The following ADK variants were observed in gnomAD, a reference collection of about 807,000 sequenced individuals.
ADK encodes the protein adenosine kinase.
A neutral mutation model predicts 44.7 loss-of-function variants in ADK; 24 were observed. The ratio of observed to expected loss-of-function variants is 0.54; its 90% CI spans 0.39 to 0.76. The LOEUF (loss-of-function observed/expected upper bound fraction) is 0.76. ADK is among the 30% of genes least tolerant of loss of function. ADK has a pLI of 0.00. For synonymous variants in ADK, 128 were observed against 142.6 expected (o/e 0.90, Z 0.73); for missense variants, 321 against 425.1 (o/e 0.76, Z 2.15).
intron 6 of ADK, among the ~76,000 whole-genome samples, chr10:74,497,983 G>A (rs1242446658): frequency 6.6e-6 from 1 of 151,710 alleles, no homozygotes; most frequent in African/African-American, 2.4e-5. Context: ...TCCGCCTCCC[G>A]GGTTCATGCC....
At chr10:74,693,214 G>T (rs114156052) in intron 10 of ADK, among the ~76,000 whole-genome samples, 2,642 of 152,240 alleles carry the variant, frequency 0.017, 69 homozygotes, top group African/African-American at 0.061. Flanking sequence ...ACTAACTAAT[G>T]TAACAGGTTA....
intron 9 of ADK, among the ~76,000 whole-genome samples, chr10:74,616,601 ACT>A (rs1852768687): frequency 6.6e-6 from 1 of 151,692 alleles, no homozygotes; most frequent in African/African-American, 2.4e-5. Flanking sequence ...CCAATTGCAC[ACT>A]CTCATGATAA....
At chr10:74,423,633 G>A (rs1419713468) in intron 6 of ADK, 7 of 377,414 alleles carry the variant, frequency 1.9e-5, no homozygotes, top group South Asian at 2.3e-5. Flanking sequence ...CCTGTGCTTC[G>A]TGGAATTCTG....
At chr10:74,387,771 A>G (rs1843193265) in intron 4 of ADK, among the ~76,000 whole-genome samples, 1 of 152,214 alleles carries the variant, frequency 6.6e-6, no homozygotes, top group African/African-American at 2.4e-5. Flanking sequence ...CTATTCCTCC[A>G]GTTAGGTATA....
At chr10:74,644,293 A>G (rs1853981751) in intron 9 of ADK, among the ~76,000 whole-genome samples, 1 of 152,234 alleles carries the variant, frequency 6.6e-6, no homozygotes, top group Admixed American at 6.5e-5. Context: ...GATATTAATC[A>G]GATAGGAAGT....
At chr10:74,410,214 A>T (rs1380576948) in intron 6 of ADK, among the ~76,000 whole-genome samples, 1 of 152,090 alleles carries the variant, frequency 6.6e-6, no homozygotes, top group Non-Finnish European at 1.5e-5. Flanking sequence ...CGTGACTAGA[A>T]ATTTAAAAAG....
chr10:74,278,582 T>C (rs1045923022), intron 3 of ADK, among the ~76,000 whole-genome samples: 3 of 152,220 alleles, frequency 2.0e-5, no homozygotes, highest in Non-Finnish European at 2.9e-5. Context: ...TTAAAGTTTA[T>C]CTGATAACAA....
intron 6 of ADK, among the ~76,000 whole-genome samples, chr10:74,406,463 G>A (rs7898405): frequency 0.65 from 96,757 of 149,930 alleles, 32,542 homozygotes; most frequent in Middle Eastern, 0.8. Flanking sequence ...TTAACAATAA[G>A]TTTTCTCTTT....
At chr10:74,206,712 T>C (rs190271332) in intron 2 of ADK, among the ~76,000 whole-genome samples, 5 of 152,378 alleles carry the variant, frequency 3.3e-5, no homozygotes, top group Non-Finnish European at 5.9e-5. Flanking sequence ...GTTTATGGGC[T>C]AATACTATGT....
rs545968332 is a variant in ADK at position 74,571,195 on chromosome 10, T to A, written c.727-18087T>A. On this transcript the variant is annotated intron_variant, in intron 7 of 10. Coordinates refer to ENST00000539909, the MANE Select transcript of ADK (RefSeq NM_006721.4). ...TGCTGCTGGATTCGGTTTGCCAGTA[T>A]TTTATTGAGGATTTTTGCATTGATG... Among the ~76,000 whole-genome samples the A allele has an allele frequency of 2.4e-3, 362 of 152,340 alleles. 15 individuals carry two copies. The highest frequency in any genetic ancestry group is 1.8e-3 in the Admixed American group (27 of 15,302).
chr10:74,643,055 T>C (rs1260586056), intron 9 of ADK, among the ~76,000 whole-genome samples: 1 of 151,980 alleles, frequency 6.6e-6, no homozygotes, highest in East Asian at 1.9e-4. Flanking sequence ...TTGCTCAGGC[T>C]GGTCTCAAAT....
chr10:74,639,693 G>A (rs1023014011), intron 9 of ADK, among the ~76,000 whole-genome samples: 27 of 151,978 alleles, frequency 1.8e-4, no homozygotes, highest in Non-Finnish European at 3.5e-4. Context: ...AAAATTAGCC[G>A]GGCGTGGTGG....
chr10:74,389,178 T>C (rs1843255828), intron 4 of ADK, among the ~76,000 whole-genome samples: 1 of 152,226 alleles, frequency 6.6e-6, no homozygotes, highest in South Asian at 2.1e-4. Flanking sequence ...TAAGGTATAC[T>C]GTACATATGT....
intron 10 of ADK, among the ~76,000 whole-genome samples, chr10:74,696,598 C>T (rs185905419): frequency 6.6e-6 from 1 of 151,740 alleles, no homozygotes; most frequent in East Asian, 2.0e-4. Flanking sequence ...TCTCGATCTC[C>T]TGACCTTGTG....
chr10:74,418,408 T>C (rs1197401967), intron 6 of ADK, among the ~76,000 whole-genome samples: 1 of 152,124 alleles, frequency 6.6e-6, no homozygotes, highest in African/African-American at 2.4e-5. Context: ...ACAGCCAGTC[T>C]AGCTGCAGCA....
chr10:74,591,277 T>G (rs1227724094), intron 8 of ADK, among the ~76,000 whole-genome samples: 4 of 152,194 alleles, frequency 2.6e-5, no homozygotes, highest in African/African-American at 9.6e-5. Context: ...CTGCCATAAT[T>G]GATTACAGCA....
At position 74,525,137 on chromosome 10, in the gene ADK, C is replaced by T. The variant is rs1848987037; in HGVS notation, c.556-119C>T. 5 of 1,006,892 alleles carry T rather than the reference C, an allele frequency of 5.0e-6. No individual in the cohort carries two copies. The Admixed American group carries it at 1.1e-4, about 22-fold the overall frequency. The allele number at this position is 1,006,892 out of a possible 1,614,324, so 62.4% of individuals were successfully genotyped here. A position where few individuals can be genotyped will look rare whatever the true frequency, so the allele number is the denominator to read the frequency against. ...CCAGTCAAATGTTGCTATTTTCTGC[C>T]TTGCATCTTATAATTGTATTTTATA... is the stretch of plus-strand genomic sequence containing the variant. On this transcript the variant is annotated intron_variant, in intron 6 of 10. Transcript: ENST00000539909.
chr10:74,707,538 G>A (rs901970772), intron 10 of ADK, among the ~76,000 whole-genome samples: 2 of 151,826 alleles, frequency 1.3e-5, no homozygotes, highest in Non-Finnish European at 2.9e-5. Context: ...CAAGGCAGGC[G>A]GATCACCTGA....
intron 6 of ADK, among the ~76,000 whole-genome samples, chr10:74,517,126 G>A (rs1490105997): frequency 6.6e-6 from 1 of 152,076 alleles, no homozygotes; most frequent in Admixed American, 6.5e-5. Flanking sequence ...GATGAGATTT[G>A]GGTGGGAACA....
Sources: gnomAD v4.1 joint callset for allele counts (sites outside exome capture counted in the v4.1 genomes callset) on GRCh38, gnomAD v4.1.1 for gene constraint, MANE v1.5 for transcripts, NCBI Gene and HGNC (gene_info 2026-07-23, HGNC 2026-07-21) for gene names.